Variants in ATP6V1H observed in about 807,000 individuals in gnomAD.
ATP6V1H encodes ATPase H+ transporting V1 subunit H, also known as V-type proton ATPase subunit H.
ATP6V1H carries 39 observed loss-of-function variants against 71.7 expected under a neutral mutation model. The ratio of observed to expected loss-of-function variants is 0.54; its 90% CI spans 0.42 to 0.71. ATP6V1H has a LOEUF of 0.71. Ranked by LOEUF, ATP6V1H falls within the 30% of genes least tolerant of loss-of-function variation. The pLI is 0.00. For synonymous variants in ATP6V1H, 192 were observed against 199.3 expected (o/e 0.96, Z 0.31); for missense variants, 509 against 594.9 (o/e 0.86, Z 1.50).
chr8:53,802,047 A>C, intron 7 of ATP6V1H, 151 bp from the exon 8 acceptor site: 5 of 638,392 alleles, frequency 7.8e-6, no homozygotes, highest in Non-Finnish European at 1.3e-5. Context: ...GTTAATCCTC[A>C]TGTTTGCTTT....
Position 53,804,767 on chromosome 8 carries a change from TCTGAG to T in ATP6V1H, c.580-2876_580-2872del, listed in dbSNP as rs560170622. The stretch of plus-strand genomic sequence containing the variant: ...GTATTCTTTGTACTGTGCCAAGCAT[TCTGAG>T]CTAAGAACTTGCTACAACATGCACT... On this transcript the variant is annotated intron_variant, in intron 7 of 13. Transcript: ENST00000359530. 1.9e-3 allele frequency among the ~76,000 whole-genome samples: 291 copies of T among 152,364 alleles called. 1 individual carries two copies. The highest frequency in any genetic ancestry group is 6.5e-3 in the African/African-American group (272 of 41,588).
chr8:53,765,451 AACAACACACACACACACAC>A (rs1181678238), intron 11 of ATP6V1H, among the ~76,000 whole-genome samples: 15 of 93,152 alleles, frequency 1.6e-4, no homozygotes, highest in South Asian at 9.3e-4. Flanking sequence ...CAACAACAAC[AACAACACACACACACACAC>A]ACACACACAC....
intron 13 of ATP6V1H, among the ~76,000 whole-genome samples, chr8:53,733,935 C>A (rs1195667521): frequency 1.3e-5 from 2 of 152,148 alleles, no homozygotes; most frequent in Non-Finnish European, 2.9e-5. Flanking sequence ...GACTGTGGGA[C>A]CCTGGCCGAG....
chr8:53,748,417 A>G (rs142080616), intron 12 of ATP6V1H, among the ~76,000 whole-genome samples: 6 of 152,338 alleles, frequency 3.9e-5, no homozygotes, highest in African/African-American at 9.6e-5. Context: ...AAAAGTACTC[A>G]TATCATCTCA....
In ATP6V1H at chr8:53,755,132, T is replaced by C. The variant is rs572613257; in HGVS notation, c.1277+1423A>G. ...TTAAACAGAAGGCACTGGCAACAGCTTGGGAGATCTCTCTGTTTTCCTTTG... is the reference window on the plus strand; with the variant it reads ...TTAAACAGAAGGCACTGGCAACAGCCTGGGAGATCTCTCTGTTTTCCTTTG... On this transcript the variant is annotated intron_variant, in intron 12 of 13. Coordinates refer to ENST00000359530, the MANE Select transcript of ATP6V1H (RefSeq NM_015941.4). 3.3e-5 allele frequency among the ~76,000 whole-genome samples: 5 copies of C among 152,258 alleles called. No homozygotes were observed. The South Asian group carries it at 1.0e-3, about 32-fold the overall frequency.
rs779332016 is a variant in ATP6V1H, at chr8:53,743,651, G to A, written c.1317C>T (p.Asn439=). ...EQLGGKQLVM[N]HMHHEDQQVR... is the part of the protein sequence containing the mutation. ...CCTGCTGGTCTTCATGATGCATGTG[G>A]TTCATGACCAGCTGCTTCCCACCGA... The change falls in exon 13 of 14, where the codon AAC becomes AAT. Residue 439 remains asparagine, a synonymous_variant. Transcript: ENST00000359530. 6.8e-6 allele frequency: 11 copies of A among 1,613,338 alleles called. No individual in the cohort carries two copies. The highest frequency in any genetic ancestry group is 1.7e-5 in the Admixed American group (1 of 59,988).
At chr8:53,816,893 T>G (rs189922952) in intron 5 of ATP6V1H, among the ~76,000 whole-genome samples, 422 of 152,236 alleles carry the variant, frequency 2.8e-3, no homozygotes, top group Non-Finnish European at 3.9e-3. Flanking sequence ...TAAAATTTAA[T>G]TTCTATATAG....
intron 10 of ATP6V1H, 139 bp from the exon 11 acceptor site, chr8:53,769,882 G>T: frequency 2.8e-6 from 2 of 708,968 alleles, no homozygotes; most frequent in Non-Finnish European, 4.4e-6. Flanking sequence ...ACCACCAAAC[G>T]AACTTTAAAC....
At chr8:53,796,677 AC>A (rs1809752368) in intron 8 of ATP6V1H, among the ~76,000 whole-genome samples, 1 of 152,158 alleles carries the variant, frequency 6.6e-6, no homozygotes, top group South Asian at 2.1e-4. Flanking sequence ...ATGGAAACTT[AC>A]TAATAAAAAT....
chr8:53,772,838 AAGAC>A (rs1808714213), intron 9 of ATP6V1H, among the ~76,000 whole-genome samples: 2 of 151,788 alleles, frequency 1.3e-5, no homozygotes, highest in South Asian at 4.2e-4. Context: ...AAGAAGCAAC[AAGAC>A]AGACCTCTGT....
chr8:53,787,202 T>C (rs1382703400), intron 9 of ATP6V1H, among the ~76,000 whole-genome samples: 1 of 152,214 alleles, frequency 6.6e-6, no homozygotes, highest in Non-Finnish European at 1.5e-5. Flanking sequence ...ATTTAAAAAG[T>C]CTCAGTCTTA....
At position 53,749,021 on chromosome 8, in the gene ATP6V1H, G is replaced by A. The variant is rs189999579; in HGVS notation, c.1278-5331C>T. Among the ~76,000 whole-genome samples, 531 of 152,314 alleles carry A rather than the reference G, an allele frequency of 3.5e-3. 2 individuals carry two copies. Among genetic ancestry groups the A allele is most frequent in the African/African-American group, 0.012 (489 of 41,572 alleles). On this transcript the variant is annotated intron_variant, in intron 12 of 13. Transcript: ENST00000359530. ...TTTTGGTAGCTCTTTCCTTCAGCAA[G>A]TATTATGCCCTACTGTGTGGTGAAC...
At chr8:53,836,879 G>A (rs1811174554) in intron 2 of ATP6V1H, among the ~76,000 whole-genome samples, 1 of 152,180 alleles carries the variant, frequency 6.6e-6, no homozygotes, top group Admixed American at 6.5e-5. Flanking sequence ...GGTGGCTCAT[G>A]CCTGTAATCC....
At position 53,756,560 on chromosome 8, in the gene ATP6V1H, G is replaced by C. The variant is rs760749457; in HGVS notation, c.1272C>G (p.Gly424=). The change falls in exon 12 of 14, where the codon GGC becomes GGG. Residue 424 remains glycine, a synonymous_variant. Coordinates refer to ENST00000359530, the MANE Select transcript of ATP6V1H (RefSeq NM_015941.4). ...AATGAATGGCTTTCTCTTACCGTTT[G>C]CCTCGTGGATAATGCCGCACATATT... The part of the protein sequence containing the change: ...VGEYVRHYPR[G]KRVIEQLGGK... 12 of 1,612,046 alleles carry C rather than the reference G, an allele frequency of 7.4e-6. No individual in the cohort carries two copies. The East Asian group carries it at 2.7e-4, about 36-fold the overall frequency.
At chr8:53,841,505 A>G (rs1226295665) in intron 2 of ATP6V1H, 73 bp downstream of exon 2, 7 of 1,489,382 alleles carry the variant, frequency 4.7e-6, no homozygotes, top group Non-Finnish European at 6.5e-6. Flanking sequence ...TTTCTCTCAT[A>G]GAAGCATGAC....
At chr8:53,735,649 G>T (rs908377200) in intron 13 of ATP6V1H, among the ~76,000 whole-genome samples, 1 of 152,000 alleles carries the variant, frequency 6.6e-6, no homozygotes, top group African/African-American at 2.4e-5. Flanking sequence ...AGGAACTAGG[G>T]GAATTAACCT....
chr8:53,731,838 G>A (rs1159947123), intron 13 of ATP6V1H, among the ~76,000 whole-genome samples: 1 of 152,260 alleles, frequency 6.6e-6, no homozygotes, highest in East Asian at 1.9e-4. Context: ...TCCCTGGGGG[G>A]GACTCCAGCC....
At chr8:53,829,894 A>G (rs1181720641) in intron 3 of ATP6V1H, among the ~76,000 whole-genome samples, 1 of 152,238 alleles carries the variant, frequency 6.6e-6, no homozygotes, top group African/African-American at 2.4e-5. Context: ...GGAACAGAAG[A>G]CAAGAGCAAC....
intron 4 of ATP6V1H, among the ~76,000 whole-genome samples, chr8:53,824,279 G>C (rs953077575): frequency 6.6e-6 from 1 of 151,992 alleles, no homozygotes; most frequent in Non-Finnish European, 1.5e-5. Flanking sequence ...TATTCACAAG[G>C]GAATTTTACC....
Sources: allele counts gnomAD v4.1 joint callset (sites outside exome capture counted in the v4.1 genomes callset), GRCh38; gene constraint gnomAD v4.1.1; transcripts MANE v1.5; gene names NCBI Gene and HGNC (gene_info 2026-07-23, HGNC 2026-07-21).